Variants in BRINP1 observed in about 807,000 individuals in gnomAD.
BRINP1 encodes the protein BMP/retinoic acid inducible neural specific 1, also known as BMP/retinoic acid-inducible neural-specific protein 1.
In BRINP1, 17 loss-of-function variants were observed where a neutral mutation model predicts 72.9. The ratio of observed to expected loss-of-function variants is 0.23; its 90% CI spans 0.16 to 0.35. The LOEUF is 0.35. Among genes scored for constraint, BRINP1 ranks in the 10% least tolerant of loss-of-function variants. The pLI is 1.00. For missense variants in BRINP1, 850 were observed against 1,001.6 expected, an observed-to-expected ratio of 0.85 and a Z score of 2.04; for synonymous variants, 418 against 378.5, an observed-to-expected ratio of 1.10 and a Z score of -1.21.
chr9:119,167,728 T>C lies in BRINP1; in HGVS notation c.1642A>G (p.Ile548Val). ...AGGCTGCTGTTGCGCATCTGGCAGA[T>C]GCGCATGGACATGCCGATCACCATG... Reference protein sequence around the residue: ...IHMVIGMSMRICQMRNSSLDP... With the variant: ...IHMVIGMSMRVCQMRNSSLDP... Residue 548 changes from isoleucine (I) to valine (V), a missense_variant, in exon 8 of 8, where the codon ATC (isoleucine) becomes GTC (valine). Ile to Val is a conservative substitution (Grantham distance 29). Coordinates refer to ENST00000265922, the MANE Select transcript of BRINP1 (RefSeq NM_014618.3). The surrounding 1 kb of genome is among the most constrained non-coding windows in gnomAD (Gnocchi z 4.3). 6.2e-7 allele frequency: 1 copy of C among 1,614,028 alleles called. No homozygotes were observed. Among genetic ancestry groups the C allele is most frequent in the East Asian group, 2.2e-5 (1 of 44,846 alleles).
At chr9:119,291,381 G>T (rs897760078) in intron 2 of BRINP1, among the ~76,000 whole-genome samples, 1 of 152,182 alleles carries the variant, frequency 6.6e-6, no homozygotes, top group Non-Finnish European at 1.5e-5. Flanking sequence ...TCTTTCTTGG[G>T]TCAGACTATG....
At chr9:119,193,789 A>G (rs191488591) in intron 7 of BRINP1, among the ~76,000 whole-genome samples, 35 of 152,296 alleles carry the variant, frequency 2.3e-4, no homozygotes, top group Non-Finnish European at 2.5e-4. Flanking sequence ...ATCCTTTGCT[A>G]TTTCTCCCGT....
In BRINP1 at chr9:119,168,200, C is replaced by T. The variant is rs1004196095; in HGVS notation, c.1170G>A (p.Arg390=). The change falls in exon 8 of 8, where the codon AGG becomes AGA. Residue 390 remains arginine (R), a synonymous_variant. Coordinates refer to ENST00000265922, the MANE Select transcript of BRINP1 (RefSeq NM_014618.3). Reference sequence around the variant, plus strand: ...CATTACAGTAGAGGAGTGACTGGACCCTTGCAAGCCACTGCTGAATTGTCC... The same window carrying T: ...CATTACAGTAGAGGAGTGACTGGACTCTTGCAAGCCACTGCTGAATTGTCC... The part of the protein sequence containing the change: ...RERTIQQWLA[R]VQSLLYCNEN... 6.6e-7 allele frequency: 1 copy of T among 1,521,224 alleles called. No homozygotes were observed. 94.2% of individuals were successfully genotyped at this position (1,521,224 alleles called of 1,614,324 possible). A position where few individuals can be genotyped will look rare whatever the true frequency, so the allele number is the denominator to read the frequency against.
chr9:119,313,858 C>T (rs1831097374), intron 1 of BRINP1, among the ~76,000 whole-genome samples: 1 of 152,044 alleles, frequency 6.6e-6, no homozygotes, highest in South Asian at 2.1e-4. Flanking sequence ...GTGAGTGTAC[C>T]CTCTTCTGTC....
chr9:119,192,338 G>A (rs1829691345), intron 7 of BRINP1, among the ~76,000 whole-genome samples: 1 of 151,870 alleles, frequency 6.6e-6, no homozygotes, highest in South Asian at 2.1e-4. Context: ...AAAAGTATTT[G>A]CAAACCACAT....
intron 2 of BRINP1, chr9:119,283,240 T>TCAGCTGCCTCAGCTGCC: frequency 2.1e-6 from 2 of 940,828 alleles, no homozygotes; most frequent in South Asian, 4.9e-5. Flanking sequence ...GAACTGCAGC[T>TCAGCTGCCTCAGCTGCC]TCAGCTGCCT....
intron 7 of BRINP1, among the ~76,000 whole-genome samples, chr9:119,206,352 G>A (rs570968935): frequency 1.3e-5 from 2 of 149,058 alleles, no homozygotes; most frequent in South Asian, 2.1e-4. Context: ...CCTGGGAGAC[G>A]GAGGTTGCAG....
chr9:119,322,481 C>T (rs1831198631), intron 1 of BRINP1, among the ~76,000 whole-genome samples: 1 of 152,188 alleles, frequency 6.6e-6, no homozygotes, highest in African/African-American at 2.4e-5. Context: ...CCGAGGCACA[C>T]ACTCAGGAGG....
At chr9:119,288,373 C>G (rs777751461) in intron 2 of BRINP1, among the ~76,000 whole-genome samples, 5 of 151,974 alleles carry the variant, frequency 3.3e-5, no homozygotes. Context: ...ATATCCTAAA[C>G]ATAGGTTTAT....
intron 2 of BRINP1, among the ~76,000 whole-genome samples, chr9:119,257,354 T>C (rs139785673): frequency 6.6e-6 from 1 of 152,208 alleles, no homozygotes; most frequent in African/African-American, 2.4e-5. Context: ...CATACACGAT[T>C]CATACAATAA....
At chr9:119,180,449 T>C (rs1456660196) in intron 7 of BRINP1, among the ~76,000 whole-genome samples, 1 of 151,378 alleles carries the variant, frequency 6.6e-6, no homozygotes, top group East Asian at 1.9e-4. Flanking sequence ...CGCTGTTCTT[T>C]AGTTGTGCTG....
chr9:119,242,049 T>C lies in BRINP1; in HGVS notation c.577A>G (p.Lys193Glu). Residue 193 changes from lysine to glutamate, a missense_variant and splice_region_variant, in exon 4 of 8, where the codon AAG (lysine) becomes GAG (glutamate). Physicochemically the swap from Lys to Glu is moderately conservative, Grantham distance 56 (BLOSUM62 1). Transcript: ENST00000265922. ...HEIQISTGAIKVTETRTGPLG... is the reference protein window; with the variant it reads ...HEIQISTGAIEVTETRTGPLG... ...CCAAATCCACCCCGGAGCTGTACCT[T>C]GATTGCTCCAGTTGATATCTGGATC... 1 of 1,613,652 alleles carries C rather than the reference T, an allele frequency of 6.2e-7. No individual in the cohort carries two copies. The highest frequency in any genetic ancestry group is 8.5e-7 in the Non-Finnish European group (1 of 1,179,940).
chr9:119,168,708 C>T (rs1829353210), intron 7 of BRINP1, among the ~76,000 whole-genome samples: 1 of 119,400 alleles, frequency 8.4e-6, no homozygotes, highest in African/African-American at 2.6e-5. Flanking sequence ...TAACATCTAC[C>T]AACTTCAACA....
chr9:119,207,328 T>G (rs1829869221), intron 7 of BRINP1, among the ~76,000 whole-genome samples: 1 of 152,238 alleles, frequency 6.6e-6, no homozygotes, highest in South Asian at 2.1e-4. Flanking sequence ...GATAAGATTT[T>G]GATTTATAGA....
intron 1 of BRINP1, among the ~76,000 whole-genome samples, chr9:119,367,817 T>A (rs1203356317): frequency 1.3e-5 from 2 of 151,606 alleles, no homozygotes; most frequent in Admixed American, 6.6e-5. Flanking sequence ...ACTGAAACAC[T>A]CTCTCTCTCT....
chr9:119,254,811 T>C (rs532797235), intron 2 of BRINP1, among the ~76,000 whole-genome samples: 2 of 152,256 alleles, frequency 1.3e-5, no homozygotes, highest in South Asian at 4.1e-4. Flanking sequence ...TACAACTGAG[T>C]GTGGATGTGC....
intron 2 of BRINP1, among the ~76,000 whole-genome samples, chr9:119,276,195 AC>A (rs1178821995): frequency 6.6e-6 from 1 of 152,182 alleles, no homozygotes; most frequent in Non-Finnish European, 1.5e-5. Flanking sequence ...AGTATTTAAT[AC>A]ATCCAAAACA....
intron 1 of BRINP1, among the ~76,000 whole-genome samples, chr9:119,343,881 C>T (rs1831427384): frequency 6.6e-6 from 1 of 152,202 alleles, no homozygotes; most frequent in South Asian, 2.1e-4. Context: ...ATGTTGTTCT[C>T]AAGGCCTGAA....
intron 3 of BRINP1, among the ~76,000 whole-genome samples, chr9:119,244,361 G>A (rs1830290953): frequency 6.6e-6 from 1 of 152,182 alleles, no homozygotes; most frequent in African/African-American, 2.4e-5. Flanking sequence ...TGGGGGCCAT[G>A]GGAAGTGGAG....
Sources: allele counts gnomAD v4.1 joint callset (sites outside exome capture counted in the v4.1 genomes callset), GRCh38; gene constraint gnomAD v4.1.1; non-coding constraint Gnocchi (gnomAD v3.1); transcripts MANE v1.5; gene names NCBI Gene and HGNC (gene_info 2026-07-23, HGNC 2026-07-21).